The following MRPL21 variants were observed in gnomAD, a reference collection of about 807,000 sequenced individuals.
MRPL21 encodes the protein mitochondrial ribosomal protein L21, also known as large ribosomal subunit protein bL21m.
MRPL21 carries 20 observed loss-of-function variants against 27.3 expected under a neutral mutation model. That is an observed-to-expected ratio of 0.73 (90% CI 0.52 to 1.06). MRPL21 has a LOEUF of 1.06. Ranked by LOEUF, MRPL21 falls within the 50% of genes least tolerant of loss-of-function variation. The pLI, the probability that MRPL21 is intolerant of heterozygous loss-of-function variation, is 0.00. For synonymous variants in MRPL21, 98 were observed against 101.5 expected, an observed-to-expected ratio of 0.97 and a Z score of 0.21; for missense variants, 249 against 251.4, an observed-to-expected ratio of 0.99 and a Z score of 0.06.
At chr11:68,897,003 C>G (rs1857808888) in intron 3 of MRPL21, among the ~76,000 whole-genome samples, 1 of 152,190 alleles carries the variant, frequency 6.6e-6, no homozygotes, top group Non-Finnish European at 1.5e-5. Flanking sequence ...GGCTAGGTTT[C>G]TACAACTCTA....
In MRPL21 at chr11:68,903,763, C is replaced by G. The variant is rs201140390; in HGVS notation, c.48G>C (p.Ala16=). Reference sequence around the variant, plus strand: ...AAGGTCTCAGGATGCTGTGGCTGCACGCGGACGCCAGCCGCCCTAAGGTGA... The same window carrying G: ...AAGGTCTCAGGATGCTGTGGCTGCAGGCGGACGCCAGCCGCCCTAAGGTGA... ...LTVTLGRLAS[A]CSHSILRPSG... Residue 16 remains alanine, a synonymous_variant, in exon 1 of 7, where the codon GCG becomes GCC. Transcript: ENST00000362034. The G allele has an allele frequency of 5.0e-6, 8 of 1,613,030 alleles. No individual in the cohort carries two copies. Among genetic ancestry groups the G allele is most frequent in the Non-Finnish European group, 5.9e-6 (7 of 1,180,040 alleles).
chr11:68,898,474 C>A (rs146289630), intron 2 of MRPL21, among the ~76,000 whole-genome samples: 3 of 152,234 alleles, frequency 2.0e-5, no homozygotes, highest in African/African-American at 7.2e-5. Context: ...TCAAACAGGA[C>A]CATGACGTTC....
intron 3 of MRPL21, among the ~76,000 whole-genome samples, chr11:68,897,175 G>A (rs1193247972): frequency 2.0e-5 from 3 of 152,178 alleles, no homozygotes; most frequent in Non-Finnish European, 2.9e-5. Context: ...CGTTCCCCCT[G>A]CACGCCTGTG....
intron 4 of MRPL21, among the ~76,000 whole-genome samples, chr11:68,894,989 G>A (rs1189279045): frequency 1.3e-5 from 2 of 152,232 alleles, no homozygotes; most frequent in Non-Finnish European, 2.9e-5. Flanking sequence ...GGCAGGCCGG[G>A]CGTGGTGGCT....
chr11:68,898,515 G>A (rs757822842), intron 2 of MRPL21, among the ~76,000 whole-genome samples: 10 of 152,218 alleles, frequency 6.6e-5, no homozygotes, highest in South Asian at 4.1e-4. Flanking sequence ...TCCTAGGTAG[G>A]TGCCTGCTCT....
chr11:68,898,795 C>CTT lies in MRPL21; in HGVS notation c.147-785_147-784dup, dbSNP rs60725210. 3.3e-4 allele frequency among the ~76,000 whole-genome samples: 50 copies of CTT among 149,376 alleles called. No homozygotes were observed. In the East Asian group the frequency reaches 9.6e-3, roughly 29 times the overall value. ...ATGCCAAGCTTGGTGCGGGCAATGC[C>CTT]TTTTTTTTTTGAGACGGAGTCTCGC... On this transcript the variant is annotated intron_variant, in intron 2 of 6. Coordinates refer to ENST00000362034, the MANE Select transcript of MRPL21 (RefSeq NM_181514.2).
At chr11:68,891,582 G>C (rs934046851) in intron 6 of MRPL21, 187 bp from the exon 7 acceptor site, 2 of 642,024 alleles carry the variant, frequency 3.1e-6, no homozygotes, top group Admixed American at 4.8e-5. Context: ...TCTGTTGGCA[G>C]GTGCAGAGGC....
rs575498452 is a variant in MRPL21 at position 68,903,821 on chromosome 11, T to C, written c.-11A>G. ...GGAAGATGCTGCCATGGCCGCAGCC[T>C]CGGCCGGAAACGGAAACGACGCGAA... On this transcript the variant is annotated 5_prime_UTR_variant, in exon 1 of 7. Transcript: ENST00000362034. 9 of 1,019,166 alleles carry C rather than the reference T, an allele frequency of 8.8e-6. No homozygotes were observed. The highest frequency in any genetic ancestry group is 5.5e-5 in the East Asian group (2 of 36,216). 63.1% of individuals were successfully genotyped at this position (1,019,166 alleles called of 1,614,324 possible). A position where few individuals can be genotyped will look rare whatever the true frequency, so the allele number is the denominator to read the frequency against.
intron 2 of MRPL21, 131 bp from the exon 3 acceptor site, chr11:68,898,143 C>T (rs748532432): frequency 1.3e-6 from 1 of 742,402 alleles, no homozygotes; most frequent in Non-Finnish European, 2.3e-6. Context: ...TCGGACAGGC[C>T]CCGCCCCTCT....
In MRPL21 at chr11:68,896,671, C is replaced by T; in HGVS notation, c.240G>A (p.Val80=). The T allele has an allele frequency of 6.2e-7, 1 of 1,614,014 alleles. No individual in the cohort carries two copies. Among genetic ancestry groups the T allele is most frequent in the South Asian group, 1.1e-5 (1 of 91,076 alleles). ...VEETRHHAEV[V]KKVNEMIVTG... ...TGACGATCATCTCATTCACCTTCTT[C>T]ACGACCTCTGCAGGGGAAGGCGGGT... The change falls in exon 4 of 7, where the codon GTG becomes GTA. Residue 80 remains valine, a synonymous_variant. Transcript: ENST00000362034.
chr11:68,897,023 A>G (rs1857809673), intron 3 of MRPL21, among the ~76,000 whole-genome samples: 3 of 152,178 alleles, frequency 2.0e-5, no homozygotes, highest in African/African-American at 7.2e-5. Flanking sequence ...AGGGTGGGCG[A>G]AACCCTCCAC....
At chr11:68,891,785 A>G in intron 6 of MRPL21, 1 of 471,630 alleles carries the variant, frequency 2.1e-6, no homozygotes, top group East Asian at 3.1e-5. Flanking sequence ...GACAGCCAAT[A>G]CCAGTATTCT....
At chr11:68,892,005 G>A in intron 6 of MRPL21, 2 of 1,035,438 alleles carry the variant, frequency 1.9e-6, no homozygotes, top group Non-Finnish European at 2.6e-6. Flanking sequence ...TGCTGCTTTG[G>A]GGACAGTGCT....
intron 6 of MRPL21, chr11:68,891,624 C>A: frequency 1.7e-6 from 1 of 589,394 alleles, no homozygotes; most frequent in Admixed American, 2.9e-5. Flanking sequence ...GCCAGGAGTG[C>A]CCTGCGCTGG....
intron 1 of MRPL21, among the ~76,000 whole-genome samples, chr11:68,901,440 A>G (rs931149776): frequency 6.6e-6 from 1 of 152,264 alleles, no homozygotes; most frequent in African/African-American, 2.4e-5. Flanking sequence ...TCTACTGAGA[A>G]GACAGGGGAT....
Position 68,900,590 on chromosome 11 carries a change from G to C in MRPL21, c.104C>G (p.Ala35Gly), listed in dbSNP as rs541342052. The C allele has an allele frequency of 1.7e-5, 27 of 1,613,684 alleles. No homozygotes were observed. In the South Asian group the frequency reaches 2.7e-4, roughly 16 times the overall value. ...GCTCTGTGAATTGAACCTTCGAGAA[G>C]CAGACCAAAGGGAGGCTGAGGGAAG... ...SGPGAASLWSASRRFNSQSTS... is the reference protein window; with the variant it reads ...SGPGAASLWSGSRRFNSQSTS... The change falls in exon 2 of 7, where the codon GCT (alanine) becomes GGT (glycine). Residue 35 changes from alanine to glycine, a missense_variant. Transcript: ENST00000362034.
chr11:68,896,484 C>T (rs76789024), intron 4 of MRPL21, 31 bp downstream of exon 4: 51,552 of 1,611,004 alleles, frequency 0.032, 1,044 homozygotes, highest in Non-Finnish European at 0.037. Flanking sequence ...GGCTGAGTCC[C>T]TGAATATCCA....
intron 4 of MRPL21, among the ~76,000 whole-genome samples, chr11:68,893,915 A>G (rs1857716191): frequency 6.6e-6 from 1 of 152,190 alleles, no homozygotes; most frequent in Non-Finnish European, 1.5e-5. Flanking sequence ...TACTAAAAAA[A>G]TACAAAAACT....
chr11:68,898,420 T>C (rs936655770), intron 2 of MRPL21, among the ~76,000 whole-genome samples: 1 of 152,204 alleles, frequency 6.6e-6, no homozygotes, highest in South Asian at 2.1e-4. Flanking sequence ...TGGCATCCAG[T>C]GGCCCTGGAA....
Sources: gnomAD v4.1 joint callset for allele counts (sites outside exome capture counted in the v4.1 genomes callset) on GRCh38, gnomAD v4.1.1 for gene constraint, MANE v1.5 for transcripts, NCBI Gene and HGNC (gene_info 2026-07-23, HGNC 2026-07-21) for gene names.